WAPL: variants seen among roughly 807,000 people sequenced by gnomAD.
WAPL encodes WAPL cohesin release factor, also known as wings apart-like protein homolog.
Under a neutral mutation model 121.0 loss-of-function variants are expected in WAPL, and 5 were observed. The observed-to-expected ratio is 0.04, with a 90% CI of 0.02 to 0.09. The LOEUF is 0.09. Among genes scored for constraint, WAPL ranks in the 10% least tolerant of loss-of-function variants. The pLI, the probability that WAPL is intolerant of heterozygous loss-of-function variation, is 1.00. For missense variants in WAPL, 999 were observed against 1,410.8 expected (o/e 0.71, Z 4.68); for synonymous variants, 480 against 481.5 (o/e 1.00, Z 0.04).
At chr10:86,463,304 A>G (rs948347008) in intron 9 of WAPL, among the ~76,000 whole-genome samples, 24 of 151,928 alleles carry the variant, frequency 1.6e-4, no homozygotes, top group African/African-American at 5.5e-4. Flanking sequence ...AGTGGGGGGG[A>G]CCCCCGAGGC....
At chr10:86,519,848 G>T (rs1400113882) in intron 1 of WAPL, among the ~76,000 whole-genome samples, 1 of 152,122 alleles carries the variant, frequency 6.6e-6, no homozygotes, top group Non-Finnish European at 1.5e-5. Flanking sequence ...CTAACCAAAG[G>T]CCAAACCAAA....
At chr10:86,521,314 C>T (rs551367432) in intron 1 of WAPL, 51 bp downstream of exon 1, 1 of 255,440 alleles carries the variant, frequency 3.9e-6, no homozygotes, top group South Asian at 3.5e-5. Flanking sequence ...CTGCCTCCCC[C>T]ACCCTCCCGG....
chr10:86,487,503 T>C (rs531595031), intron 4 of WAPL, among the ~76,000 whole-genome samples: 2 of 152,324 alleles, frequency 1.3e-5, no homozygotes, highest in African/African-American at 4.8e-5. Flanking sequence ...CACCCTCATC[T>C]TCTTTCTGAG....
At position 86,478,043 on chromosome 10, in the gene WAPL, G is replaced by A. The variant is rs571171020; in HGVS notation, c.1645-4070C>T. ...GCACTCCACCCTGAGCAACAAAAGCGAAACTCTGTCTCGGAAAAAAAAAAA... is the reference window on the plus strand; with the variant it reads ...GCACTCCACCCTGAGCAACAAAAGCAAAACTCTGTCTCGGAAAAAAAAAAA... On this transcript the variant is annotated intron_variant, in intron 4 of 18. Coordinates refer to ENST00000298767, the MANE Select transcript of WAPL (RefSeq NM_015045.5). 4.8e-5 allele frequency among the ~76,000 whole-genome samples: 7 copies of A among 145,248 alleles called. No homozygotes were observed. In the East Asian group the frequency reaches 8.0e-4, roughly 17 times the overall value.
chr10:86,476,769 T>C (rs1841666534), intron 4 of WAPL, among the ~76,000 whole-genome samples: 1 of 151,800 alleles, frequency 6.6e-6, no homozygotes, highest in South Asian at 2.1e-4. Flanking sequence ...TAGGTTTAAG[T>C]CTAACACATT....
In WAPL at chr10:86,472,963, C is replaced by A; in HGVS notation, c.1741-199G>T. Among the ~76,000 whole-genome samples, 1 of 152,162 alleles carries A rather than the reference C, an allele frequency of 6.6e-6. No homozygotes were observed. Among genetic ancestry groups the A allele is most frequent in the East Asian group, 1.9e-4 (1 of 5,200 alleles). On this transcript the variant is annotated intron_variant, in intron 5 of 18. Transcript: ENST00000298767. The surrounding 1 kb of genome is among the most constrained non-coding windows in gnomAD (Gnocchi z 4.2). ...GGTAAGACATATGTATATCTGCACA[C>A]AGAAGAACCACTCAAGGATTTCTTC... is the stretch of plus-strand genomic sequence containing the variant.
At chr10:86,447,973 G>A (rs113729672) in intron 15 of WAPL, among the ~76,000 whole-genome samples, 17,749 of 152,010 alleles carry the variant, frequency 0.12, 1,220 homozygotes, top group Middle Eastern at 0.17. Context: ...ACTGGAACCT[G>A]GGAGTCAGGG....
At chr10:86,485,432 G>C (rs191850120) in intron 4 of WAPL, among the ~76,000 whole-genome samples, 1 of 152,104 alleles carries the variant, frequency 6.6e-6, no homozygotes, top group African/African-American at 2.4e-5. Flanking sequence ...AGCTACTCAA[G>C]AGGCTAAGGC....
At chr10:86,518,249 C>T (rs1183614400) in intron 1 of WAPL, among the ~76,000 whole-genome samples, 158 bp from the exon 2 acceptor site, 1 of 152,138 alleles carries the variant, frequency 6.6e-6, no homozygotes, top group Non-Finnish European at 1.5e-5. Context: ...TAAAGAAAGG[C>T]TGATTTATTA....
intron 2 of WAPL, among the ~76,000 whole-genome samples, chr10:86,501,865 T>C (rs1231354425): frequency 1.3e-5 from 2 of 152,150 alleles, no homozygotes; most frequent in Non-Finnish European, 2.9e-5. Context: ...CTAACTCCCC[T>C]TTTTATTTAA....
At chr10:86,485,794 A>C (rs897867922) in intron 4 of WAPL, among the ~76,000 whole-genome samples, 1 of 152,236 alleles carries the variant, frequency 6.6e-6, no homozygotes, top group African/African-American at 2.4e-5. Context: ...AGACTGCTCA[A>C]AATTCCAGTA....
At chr10:86,463,062 C>T (rs1198094149) in intron 9 of WAPL, among the ~76,000 whole-genome samples, 1 of 152,204 alleles carries the variant, frequency 6.6e-6, no homozygotes, top group Non-Finnish European at 1.5e-5. Flanking sequence ...AAACAGCCTA[C>T]TAATCAAGCA....
At chr10:86,481,695 T>TAAAA (rs1841793130) in intron 4 of WAPL, among the ~76,000 whole-genome samples, 1 of 151,974 alleles carries the variant, frequency 6.6e-6, no homozygotes, top group East Asian at 1.9e-4. Context: ...TCTGTTTATT[T>TAAAA]TTATATAAAA....
intron 4 of WAPL, among the ~76,000 whole-genome samples, chr10:86,491,092 A>C (rs188389309): frequency 5.3e-5 from 8 of 150,814 alleles, no homozygotes; most frequent in East Asian, 2.0e-4. Context: ...TACATACATA[A>C]ATAAATTTGA....
intron 4 of WAPL, among the ~76,000 whole-genome samples, chr10:86,490,801 A>T (rs1842030694): frequency 6.6e-6 from 1 of 152,058 alleles, no homozygotes; most frequent in South Asian, 2.1e-4. Flanking sequence ...GGTGGCTCAC[A>T]CCTGTAATTC....
chr10:86,443,185 G>T (rs1849516031), intron 17 of WAPL, 90 bp downstream of exon 17: 1 of 1,017,204 alleles, frequency 9.8e-7, no homozygotes, highest in African/African-American at 1.6e-5. Flanking sequence ...AAACACTGAA[G>T]AAATAAATAA....
chr10:86,478,055 C>T (rs528774077), intron 4 of WAPL, among the ~76,000 whole-genome samples: 78 of 140,694 alleles, frequency 5.5e-4, no homozygotes, highest in Admixed American at 1.1e-3. Context: ...AACTCTGTCT[C>T]GGAAAAAAAA....
At chr10:86,437,842 A>G in intron 18 of WAPL, 78 bp downstream of exon 18, 2 of 1,165,386 alleles carry the variant, frequency 1.7e-6, no homozygotes, top group Non-Finnish European at 2.5e-6. Context: ...CCCACTTACT[A>G]TGGCCATAGT....
intron 1 of WAPL, among the ~76,000 whole-genome samples, chr10:86,521,078 C>A (rs1413101988): frequency 6.6e-6 from 1 of 152,170 alleles, no homozygotes; most frequent in Non-Finnish European, 1.5e-5. Context: ...TGCAAGGCCC[C>A]AGTGGCGGCC....
Sources: allele counts gnomAD v4.1 joint callset (sites outside exome capture counted in the v4.1 genomes callset), GRCh38; gene constraint gnomAD v4.1.1; non-coding constraint Gnocchi (gnomAD v3.1); transcripts MANE v1.5; gene names NCBI Gene and HGNC (gene_info 2026-07-23, HGNC 2026-07-21).